The following NEK1 variants were observed in gnomAD, a reference collection of about 807,000 sequenced individuals.
NEK1 encodes serine/threonine-protein kinase Nek1.
NEK1 carries 137 observed loss-of-function variants against 182.1 expected under a neutral mutation model. The ratio of observed to expected loss-of-function variants is 0.75; its 90% CI spans 0.65 to 0.87. The LOEUF is 0.87. NEK1 is among the 40% of genes least tolerant of loss of function. The pLI is 0.00. For synonymous variants in NEK1, 513 were observed against 492.2 expected (o/e 1.04, Z -0.56); for missense variants, 1,391 against 1,494.4 (o/e 0.93, Z 1.14).
At chr4:169,471,951 T>C (rs1437785886) in intron 26 of NEK1, among the ~76,000 whole-genome samples, 1 of 152,086 alleles carries the variant, frequency 6.6e-6, no homozygotes, top group Non-Finnish European at 1.5e-5. Flanking sequence ...TAATGGCAGA[T>C]GCCCCTCCCC....
chr4:169,555,081 T>C (rs1464675292), intron 18 of NEK1: 1 of 152,442 alleles, frequency 6.6e-6, no homozygotes, highest in Non-Finnish European at 1.5e-5. Flanking sequence ...TGTGTAAGTC[T>C]GTAACCTTCC....
intron 23 of NEK1, among the ~76,000 whole-genome samples, chr4:169,482,567 C>G (rs573217805): frequency 1.3e-4 from 19 of 151,832 alleles, no homozygotes; most frequent in African/African-American, 4.6e-4. Flanking sequence ...GTGCCTCAGT[C>G]TCCCGAGTTG....
intron 18 of NEK1, 142 bp from the exon 19 acceptor site, chr4:169,538,053 A>C: frequency 1.9e-6 from 1 of 530,140 alleles, no homozygotes. Flanking sequence ...AGAAATCACT[A>C]TATATATATT....
chr4:169,418,812 A>C (rs1734970366), intron 31 of NEK1, among the ~76,000 whole-genome samples: 1 of 152,150 alleles, frequency 6.6e-6, no homozygotes, highest in Non-Finnish European at 1.5e-5. Flanking sequence ...GTAGAGAGAG[A>C]GAAAAAATAT....
At chr4:169,411,022 G>C (rs929124284) in intron 31 of NEK1, among the ~76,000 whole-genome samples, 3 of 152,194 alleles carry the variant, frequency 2.0e-5, no homozygotes, top group Non-Finnish European at 4.4e-5. Flanking sequence ...TTTCCCTTCT[G>C]TTGCCTTGTG....
intron 27 of NEK1, among the ~76,000 whole-genome samples, chr4:169,440,952 G>T (rs557381049): frequency 1.3e-5 from 2 of 152,292 alleles, no homozygotes; most frequent in African/African-American, 4.8e-5. Context: ...ACCTGCCCCA[G>T]GGCTCAACAG....
chr4:169,527,174 C>T (rs542091804), intron 19 of NEK1, among the ~76,000 whole-genome samples: 7 of 152,156 alleles, frequency 4.6e-5, no homozygotes, highest in South Asian at 2.1e-4. Flanking sequence ...AACATTTTTA[C>T]GTGAGAAAAG....
At chr4:169,497,672 C>T (rs1314124475) in intron 23 of NEK1, among the ~76,000 whole-genome samples, 1 of 152,184 alleles carries the variant, frequency 6.6e-6, no homozygotes, top group African/African-American at 2.4e-5. Flanking sequence ...ACCCAGTAGT[C>T]ATTCAGGAAC....
At chr4:169,410,602 C>T (rs144394152) in intron 31 of NEK1, among the ~76,000 whole-genome samples, 1 of 152,064 alleles carries the variant, frequency 6.6e-6, no homozygotes, top group Non-Finnish European at 1.5e-5. Flanking sequence ...TTACTTCAAC[C>T]GATACATCAG....
intron 12 of NEK1, among the ~76,000 whole-genome samples, chr4:169,563,363 A>T (rs565736278): frequency 2.6e-5 from 4 of 151,334 alleles, no homozygotes; most frequent in Non-Finnish European, 5.9e-5. Flanking sequence ...TCTCAAAAAA[A>T]AAAATAAAAA....
At position 169,440,612 on chromosome 4, in the gene NEK1, C is replaced by T. The variant is rs575228154; in HGVS notation, c.2588-2353G>A. 7.2e-5 allele frequency among the ~76,000 whole-genome samples: 11 copies of T among 152,210 alleles called. 2 individuals are homozygous for T. The highest frequency in any genetic ancestry group is 2.4e-4 in the African/African-American group (10 of 41,536). On this transcript the variant is annotated intron_variant, in intron 27 of 35. Transcript: ENST00000507142. ...ATTCAGCCGCAAAGGGATGGGGAAC[C>T]TCTGAGGCATGGAAGGAGAGGGAAG... is the stretch of plus-strand genomic sequence containing the variant.
chr4:169,594,821 C>A (rs1448750498), intron 5 of NEK1, among the ~76,000 whole-genome samples: 1 of 152,162 alleles, frequency 6.6e-6, no homozygotes, highest in Non-Finnish European at 1.5e-5. Context: ...TAATATTTCA[C>A]AAAATGCATG....
chr4:169,453,196 A>C (rs1467362316), intron 27 of NEK1, among the ~76,000 whole-genome samples: 4 of 152,254 alleles, frequency 2.6e-5, no homozygotes, highest in Admixed American at 2.6e-4. Flanking sequence ...TTCCATGCTC[A>C]TGGATAGGAA....
chr4:169,602,787 A>T (rs1276350098), intron 2 of NEK1, 109 bp from the exon 3 acceptor site: 5 of 548,412 alleles, frequency 9.1e-6, no homozygotes, highest in South Asian at 5.2e-5. Flanking sequence ...CTAACATTTT[A>T]AAAAAGGATA....
chr4:169,439,991 C>T (rs1024801477), intron 27 of NEK1, among the ~76,000 whole-genome samples: 3 of 151,342 alleles, frequency 2.0e-5, no homozygotes, highest in African/African-American at 4.9e-5. Context: ...GGATTACAGG[C>T]GCACGGCACT....
chr4:169,471,441 A>G (rs1745942699), intron 26 of NEK1, among the ~76,000 whole-genome samples: 1 of 152,152 alleles, frequency 6.6e-6, no homozygotes, highest in South Asian at 2.1e-4. Flanking sequence ...TTGCCTGGGT[A>G]TCTCCAGTGG....
At chr4:169,603,853 G>A (rs1002671241) in intron 2 of NEK1, among the ~76,000 whole-genome samples, 3 of 151,844 alleles carry the variant, frequency 2.0e-5, no homozygotes, top group African/African-American at 4.8e-5. Context: ...TTACAGGTGT[G>A]TGCCACCACA....
chr4:169,490,262 C>A (rs771506762), intron 23 of NEK1, among the ~76,000 whole-genome samples: 4 of 152,142 alleles, frequency 2.6e-5, no homozygotes, highest in Non-Finnish European at 5.9e-5. Context: ...TGCCCTTGAG[C>A]CACTGCACCA....
At chr4:169,461,905 T>G (rs1294399603) in intron 27 of NEK1, among the ~76,000 whole-genome samples, 1 of 152,104 alleles carries the variant, frequency 6.6e-6, no homozygotes, top group Non-Finnish European at 1.5e-5. Flanking sequence ...TAAGAAGTGT[T>G]CAATAAATAG....
Sources: allele counts gnomAD v4.1 joint callset (sites outside exome capture counted in the v4.1 genomes callset), GRCh38; gene constraint gnomAD v4.1.1; transcripts MANE v1.5; gene names NCBI Gene and HGNC (gene_info 2026-07-23, HGNC 2026-07-21).